LRMDA: variants seen among roughly 807,000 people sequenced by gnomAD.
LRMDA encodes the protein leucine rich melanocyte differentiation associated, also known as leucine-rich melanocyte differentiation-associated protein.
LRMDA carries 18 observed loss-of-function variants against 29.8 expected under a neutral mutation model. That is an observed-to-expected ratio of 0.60 (90% CI 0.42 to 0.90). The LOEUF (loss-of-function observed/expected upper bound fraction) is 0.90. Among genes scored for constraint, LRMDA ranks in the 40% least tolerant of loss-of-function variants. LRMDA has a pLI of 0.00. For missense variants in LRMDA, 273 were observed against 273.9 expected (o/e 1.00, Z 0.02); for synonymous variants, 125 against 109.4 (o/e 1.14, Z -0.89).
At chr10:75,968,248 G>A (rs560166982) in intron 2 of LRMDA, among the ~76,000 whole-genome samples, 8 of 152,202 alleles carry the variant, frequency 5.3e-5, no homozygotes, top group South Asian at 2.1e-4. Flanking sequence ...GGACCCTTCC[G>A]GAGGAGTGGC....
At chr10:76,024,108 T>C (rs1848022231) in intron 2 of LRMDA, among the ~76,000 whole-genome samples, 1 of 152,184 alleles carries the variant, frequency 6.6e-6, no homozygotes, top group African/African-American at 2.4e-5. Context: ...TGCTGTGTGT[T>C]TACCAACTAG....
intron 6 of LRMDA, among the ~76,000 whole-genome samples, chr10:76,401,346 C>T (rs369790871): frequency 1.4e-4 from 22 of 152,226 alleles, no homozygotes; most frequent in East Asian, 7.7e-4. Context: ...CTTCCTTTAC[C>T]GCATACCTGG....
intron 2 of LRMDA, among the ~76,000 whole-genome samples, chr10:75,525,754 C>T (rs1845406938): frequency 6.6e-6 from 1 of 151,630 alleles, no homozygotes; most frequent in Admixed American, 6.6e-5. Context: ...CATTCCTTAC[C>T]CAAACTCCTC....
intron 5 of LRMDA, among the ~76,000 whole-genome samples, chr10:76,140,692 C>T (rs1349909811): frequency 2.7e-5 from 4 of 148,126 alleles, no homozygotes; most frequent in African/African-American, 1.0e-4. Context: ...CAGGGTGGAA[C>T]TCTCTCTCTC....
intron 2 of LRMDA, among the ~76,000 whole-genome samples, chr10:75,800,932 GT>G (rs1162805556): frequency 3.9e-5 from 6 of 152,162 alleles, no homozygotes; most frequent in African/African-American, 1.4e-4. Flanking sequence ...GGGAAAGTTT[GT>G]TTGTACACTT....
intron 6 of LRMDA, among the ~76,000 whole-genome samples, chr10:76,509,766 C>T (rs1372455438): frequency 1.3e-5 from 2 of 152,126 alleles, no homozygotes; most frequent in African/African-American, 4.8e-5. Context: ...CTTTCAGCCT[C>T]GTGGTAAGTA....
intron 2 of LRMDA, among the ~76,000 whole-genome samples, chr10:76,015,828 C>A (rs1262443056): frequency 6.6e-6 from 1 of 152,174 alleles, no homozygotes; most frequent in African/African-American, 2.4e-5. Context: ...AGAATAAAAT[C>A]TTTCTGAAAC....
At chr10:75,951,542 T>C (rs1158508585) in intron 2 of LRMDA, among the ~76,000 whole-genome samples, 1 of 152,240 alleles carries the variant, frequency 6.6e-6, no homozygotes, top group Non-Finnish European at 1.5e-5. Flanking sequence ...CTCAAAGACC[T>C]GGACGGCACT....
At chr10:76,386,948 A>G (rs1250003135) in intron 6 of LRMDA, among the ~76,000 whole-genome samples, 1 of 152,142 alleles carries the variant, frequency 6.6e-6, no homozygotes. Flanking sequence ...AAAAAGCTCA[A>G]ACTTACTTAA....
chr10:75,501,148 T>G (rs1354016395), intron 2 of LRMDA, among the ~76,000 whole-genome samples: 1 of 152,212 alleles, frequency 6.6e-6, no homozygotes, highest in African/African-American at 2.4e-5. Context: ...GTTGGGATAC[T>G]GTTTTGTTTT....
At chr10:76,459,738 G>T (rs112117557) in intron 6 of LRMDA, among the ~76,000 whole-genome samples, 4 of 151,930 alleles carry the variant, frequency 2.6e-5, no homozygotes, top group African/African-American at 9.6e-5. Context: ...CCTCCTTTTG[G>T]CTAGCCTGTT....
At chr10:75,570,545 A>T (rs7082658) in intron 2 of LRMDA, among the ~76,000 whole-genome samples, 2 of 152,218 alleles carry the variant, frequency 1.3e-5, no homozygotes, top group East Asian at 3.8e-4. Context: ...ATTATTTCAT[A>T]CATCTAAATA....
At chr10:75,900,783 C>A (rs185007797) in intron 2 of LRMDA, among the ~76,000 whole-genome samples, 54 of 152,282 alleles carry the variant, frequency 3.5e-4, no homozygotes, top group African/African-American at 6.3e-4. Flanking sequence ...CCCACCCCCC[C>A]ACCTTTCTTT....
At chr10:75,797,591 G>A (rs1239393680) in intron 2 of LRMDA, among the ~76,000 whole-genome samples, 1 of 152,054 alleles carries the variant, frequency 6.6e-6, no homozygotes, top group East Asian at 1.9e-4. Context: ...ACAAGTTACT[G>A]TTACAATTGA....
chr10:75,678,255 A>G (rs894752975), intron 2 of LRMDA, among the ~76,000 whole-genome samples: 6 of 151,968 alleles, frequency 3.9e-5, no homozygotes, highest in Non-Finnish European at 5.9e-5. Flanking sequence ...ACAAACTAGA[A>G]CTCTCCTAGT....
At chr10:76,037,774 C>T (rs1378697620) in intron 3 of LRMDA, among the ~76,000 whole-genome samples, 1 of 152,208 alleles carries the variant, frequency 6.6e-6, no homozygotes, top group Non-Finnish European at 1.5e-5. Context: ...CTCCCAAAGG[C>T]CTCATCTCCA....
intron 5 of LRMDA, among the ~76,000 whole-genome samples, chr10:76,128,306 G>A (rs1400951640): frequency 6.6e-6 from 1 of 152,164 alleles, no homozygotes; most frequent in Non-Finnish European, 1.5e-5. Flanking sequence ...TGTTCCTGCT[G>A]GATGCAAGCC....
intron 5 of LRMDA, among the ~76,000 whole-genome samples, chr10:76,096,542 T>C (rs1589325147): frequency 6.6e-6 from 1 of 152,148 alleles, no homozygotes; most frequent in East Asian, 1.9e-4. Flanking sequence ...AATCAAGTAG[T>C]AGAAGTCCTC....
chr10:76,255,738 C>G (rs1241642381), intron 5 of LRMDA, among the ~76,000 whole-genome samples: 2 of 152,100 alleles, frequency 1.3e-5, no homozygotes, highest in Non-Finnish European at 2.9e-5. Context: ...TAAATCCTAA[C>G]AATGGATACA....
Sources: allele counts gnomAD v4.1 joint callset (sites outside exome capture counted in the v4.1 genomes callset), GRCh38; gene constraint gnomAD v4.1.1; transcripts MANE v1.5; gene names NCBI Gene and HGNC (gene_info 2026-07-23, HGNC 2026-07-21).